PCDH9: variants seen among roughly 807,000 people sequenced by gnomAD.
The protein encoded by PCDH9 is protocadherin 9.
A neutral mutation model predicts 70.6 loss-of-function variants in PCDH9; 24 were observed. That is an observed-to-expected ratio of 0.34 (90% confidence interval 0.25 to 0.48). PCDH9 has a LOEUF of 0.48. Ranked by LOEUF, PCDH9 falls within the 20% of genes least tolerant of loss-of-function variation. PCDH9 has a pLI of 0.99. For synonymous variants in PCDH9, 562 were observed against 558.5 expected (o/e 1.01, Z -0.09); for missense variants, 1,281 against 1,503.6 (o/e 0.85, Z 2.45).
At chr13:67,134,866 A>G (rs973865996) in intron 2 of PCDH9, among the ~76,000 whole-genome samples, 3 of 152,078 alleles carry the variant, frequency 2.0e-5, no homozygotes, top group African/African-American at 7.2e-5. Context: ...ACTGTCTCAA[A>G]CAACTGATTA....
rs1172887915 is a variant in PCDH9 at position 66,848,905 on chromosome 13, G to A, written c.3138+54599C>T. ...ATCGCACCACCGCACTCCAGCCTGG[G>A]TGACACAGCGAGACTCCGTCTCAAA... On this transcript the variant is annotated intron_variant, in intron 3 of 4. Transcript: ENST00000377865. Among the ~76,000 whole-genome samples the A allele has an allele frequency of 4.2e-5, 6 of 141,892 alleles. No individual in the cohort carries two copies. The East Asian group carries it at 1.3e-3, about 30-fold the overall frequency. 93.1% of individuals were successfully genotyped at this position (141,892 alleles called of 152,430 possible). A position where few individuals can be genotyped will look rare whatever the true frequency, so the allele number is the denominator to read the frequency against.
At chr13:66,916,110 T>C (rs1431930285) in intron 2 of PCDH9, among the ~76,000 whole-genome samples, 1 of 151,722 alleles carries the variant, frequency 6.6e-6, no homozygotes, top group Non-Finnish European at 1.5e-5. Flanking sequence ...CATTGAATGA[T>C]GTATTTTATA....
At chr13:66,583,943 T>G (rs1490210055) in intron 4 of PCDH9, among the ~76,000 whole-genome samples, 2 of 152,220 alleles carry the variant, frequency 1.3e-5, no homozygotes, top group African/African-American at 4.8e-5. Context: ...TGTTACCATT[T>G]ACATAGTCAA....
At chr13:66,908,640 T>A (rs1035039634) in intron 2 of PCDH9, among the ~76,000 whole-genome samples, 2 of 152,234 alleles carry the variant, frequency 1.3e-5, no homozygotes, top group African/African-American at 4.8e-5. Flanking sequence ...AGATTCTTAT[T>A]ATTTCTGAAA....
chr13:66,561,928 GCTCACT>G (rs746654524), intron 4 of PCDH9, among the ~76,000 whole-genome samples: 10 of 152,040 alleles, frequency 6.6e-5, no homozygotes, highest in Non-Finnish European at 1.5e-4. Context: ...TCCTGCTGCT[GCTCACT>G]CTTTGGGTCC....
intron 3 of PCDH9, among the ~76,000 whole-genome samples, chr13:66,689,484 A>G (rs146797376): frequency 1.2e-3 from 177 of 152,304 alleles, no homozygotes; most frequent in Non-Finnish European, 2.1e-3. Flanking sequence ...ATGTTCAGAT[A>G]AATCAATTTT....
chr13:66,591,472 A>C (rs1932891), intron 4 of PCDH9, among the ~76,000 whole-genome samples: 79 of 141,186 alleles, frequency 5.6e-4, no homozygotes, highest in East Asian at 1.1e-3. Flanking sequence ...TAAAAAAAAA[A>C]CAAAAAAAAA....
chr13:66,605,092 T>C (rs2077207484), intron 4 of PCDH9, among the ~76,000 whole-genome samples: 1 of 152,090 alleles, frequency 6.6e-6, no homozygotes, highest in African/African-American at 2.4e-5. Flanking sequence ...CATTCATTAC[T>C]AGAAGGTTTA....
intron 2 of PCDH9, among the ~76,000 whole-genome samples, chr13:67,128,671 G>A (rs1594549982): frequency 6.6e-6 from 1 of 152,214 alleles, no homozygotes; most frequent in East Asian, 1.9e-4. Context: ...TTAAAGTGTG[G>A]AAGGTAGGAA....
intron 4 of PCDH9, among the ~76,000 whole-genome samples, chr13:66,579,952 A>C (rs2076867355): frequency 6.6e-6 from 1 of 152,084 alleles, no homozygotes. Context: ...ATATTTTCAG[A>C]GTCAAAATTA....
intron 4 of PCDH9, among the ~76,000 whole-genome samples, chr13:66,616,661 A>T (rs2077360422): frequency 6.6e-6 from 1 of 152,048 alleles, no homozygotes; most frequent in African/African-American, 2.4e-5. Context: ...AATAAATAGG[A>T]TGACTATCAC....
At chr13:66,486,149 G>T (rs1312375828) in intron 4 of PCDH9, among the ~76,000 whole-genome samples, 1 of 151,892 alleles carries the variant, frequency 6.6e-6, no homozygotes, top group East Asian at 1.9e-4. Flanking sequence ...AGACTAAAGA[G>T]TTTCAGTTGA....
intron 4 of PCDH9, among the ~76,000 whole-genome samples, chr13:66,429,407 T>G (rs926340634): frequency 7.0e-6 from 1 of 142,228 alleles, no homozygotes; most frequent in Non-Finnish European, 1.5e-5. Flanking sequence ...ATGTTTTTCT[T>G]TTATAGATTT....
intron 3 of PCDH9, among the ~76,000 whole-genome samples, chr13:66,707,917 C>T (rs962796245): frequency 1.3e-5 from 2 of 152,206 alleles, no homozygotes; most frequent in African/African-American, 4.8e-5. Context: ...TTTATCTTCA[C>T]ACCAATTTCT....
intron 2 of PCDH9, among the ~76,000 whole-genome samples, chr13:66,981,954 C>A (rs746943973): frequency 7.2e-5 from 11 of 152,096 alleles, no homozygotes; most frequent in Non-Finnish European, 1.3e-4. Context: ...GGATATTGGT[C>A]CCCCGCCCAA....
At chr13:66,914,172 T>G (rs1351599341) in intron 2 of PCDH9, among the ~76,000 whole-genome samples, 2 of 151,884 alleles carry the variant, frequency 1.3e-5, no homozygotes, top group African/African-American at 4.8e-5. Context: ...AGGAACAAAA[T>G]CAAAGTATGC....
intron 2 of PCDH9, among the ~76,000 whole-genome samples, chr13:67,133,624 G>A (rs1014153594): frequency 2.0e-5 from 3 of 151,988 alleles, no homozygotes; most frequent in Non-Finnish European, 2.9e-5. Context: ...CTATATCAAA[G>A]GGAGATAAAA....
At chr13:66,635,322 A>G (rs911881509) in intron 3 of PCDH9, among the ~76,000 whole-genome samples, 4 of 152,190 alleles carry the variant, frequency 2.6e-5, no homozygotes, top group Admixed American at 6.5e-5. Context: ...CAGGTTATAT[A>G]CAGATTTCTG....
At position 67,174,932 on chromosome 13, in the gene PCDH9, A is replaced by G. The variant is rs143832976; in HGVS notation, c.3036+50473T>C. Among the ~76,000 whole-genome samples, 122 of 145,590 alleles carry G rather than the reference A, an allele frequency of 8.4e-4. 2 individuals carry two copies. In the East Asian group the frequency reaches 0.023, roughly 28 times the overall value. On this transcript the variant is annotated intron_variant, in intron 2 of 4. Transcript: ENST00000377865. ...GGACTGCTTGAGCCCAGAGTTTGAG[A>G]TGGGGCCATATTTTGAGACCTCATC...
Sources: gnomAD v4.1 joint callset for allele counts (sites outside exome capture counted in the v4.1 genomes callset) on GRCh38, gnomAD v4.1.1 for gene constraint, MANE v1.5 for transcripts, NCBI Gene and HGNC (gene_info 2026-07-23, HGNC 2026-07-21) for gene names.